Variants in JAK1 observed in about 807,000 individuals in gnomAD.
The protein encoded by JAK1 is tyrosine-protein kinase JAK1.
A neutral mutation model predicts 136.6 loss-of-function variants in JAK1; 16 were observed. The ratio of observed to expected loss-of-function variants is 0.12; its 90% CI spans 0.08 to 0.18. The LOEUF is 0.18. Among genes scored for constraint, JAK1 ranks in the 10% least tolerant of loss-of-function variants. The pLI is 1.00. For missense variants in JAK1, 859 were observed against 1,450.1 expected (o/e 0.59, Z 6.62); for synonymous variants, 492 against 519.5 (o/e 0.95, Z 0.72).
chr1:65,045,881 A>G (rs1557772656), intron 1 of JAK1, among the ~76,000 whole-genome samples: 1 of 152,222 alleles, frequency 6.6e-6, no homozygotes, highest in Non-Finnish European at 1.5e-5. Flanking sequence ...AGTCAGACAA[A>G]CATAGCTTCA....
chr1:64,988,209 G>A (rs1043019678), intron 2 of JAK1, among the ~76,000 whole-genome samples: 3 of 152,152 alleles, frequency 2.0e-5, no homozygotes, highest in Non-Finnish European at 4.4e-5. Flanking sequence ...TCCCTTCTGA[G>A]AGCTGCTTGT....
intron 2 of JAK1, among the ~76,000 whole-genome samples, chr1:64,885,614 G>A (rs189858337): frequency 3.3e-5 from 5 of 152,156 alleles, no homozygotes; most frequent in Admixed American, 1.3e-4. Flanking sequence ...TTAGCTGGGC[G>A]TGGTGGCATG....
Position 64,834,661 on chromosome 1 carries a change from T to G in JAK1, c.3370-4A>C, listed in dbSNP as rs758063658. The G allele has an allele frequency of 1.3e-6, 2 of 1,586,950 alleles. No individual in the cohort carries two copies. Among genetic ancestry groups the G allele is most frequent in the South Asian group, 2.2e-5 (2 of 89,766 alleles). On this transcript the variant is annotated splice_polypyrimidine_tract_variant and splice_region_variant and intron_variant, in intron 24 of 24. Transcript: ENST00000342505. ...ATTTCCTCATAAGTTGATAAACCTG[T>G]AAAAAGAAAGAAGTAACAACAGTAA...
chr1:64,918,946 G>A (rs1001246012), intron 1 of JAK1, among the ~76,000 whole-genome samples: 3 of 151,996 alleles, frequency 2.0e-5, no homozygotes, highest in African/African-American at 7.3e-5. Context: ...AAATTTATAA[G>A]TATCTCATAA....
rs774118701 is a variant in JAK1, at chr1:64,844,225, A to C, written c.2252-10T>G. Reference sequence around the variant, plus strand: ...ATTCGTTCAATGCATTCTGGAAGACAACAGACACACTGATGGAGCAGTTTC... The same window carrying C: ...ATTCGTTCAATGCATTCTGGAAGACCACAGACACACTGATGGAGCAGTTTC... On this transcript the variant is annotated splice_polypyrimidine_tract_variant and intron_variant, in intron 16 of 24. Coordinates refer to ENST00000342505, the MANE Select transcript of JAK1 (RefSeq NM_002227.4). The surrounding 1 kb of genome is among the most constrained non-coding windows in gnomAD (Gnocchi z 5.7). The C allele has an allele frequency of 6.2e-7, 1 of 1,614,238 alleles. No homozygotes were observed.
At chr1:64,913,105 G>A (rs1055921384) in intron 1 of JAK1, among the ~76,000 whole-genome samples, 1 of 152,042 alleles carries the variant, frequency 6.6e-6, no homozygotes, top group African/African-American at 2.4e-5. Context: ...TGCAATCTTG[G>A]CCTCCCAGGC....
At chr1:64,945,272 G>A (rs1645963838) in intron 1 of JAK1, among the ~76,000 whole-genome samples, 2 of 152,064 alleles carry the variant, frequency 1.3e-5, no homozygotes, top group Non-Finnish European at 2.9e-5. Flanking sequence ...ATGGAAAAAG[G>A]TACTAACCCC....
intron 1 of JAK1, among the ~76,000 whole-genome samples, chr1:64,901,821 AACC>A (rs1199102862): frequency 6.6e-6 from 1 of 152,172 alleles, no homozygotes; most frequent in African/African-American, 2.4e-5. Context: ...ATCCCCTAGC[AACC>A]ACTGGTCTAT....
chr1:64,928,773 C>T (rs568509611), intron 1 of JAK1, among the ~76,000 whole-genome samples: 4 of 1,294 alleles, frequency 3.1e-3, no homozygotes, highest in Non-Finnish European at 0.031. Flanking sequence ...TGCTATAAAA[C>T]TCTGCAAAAA....
At chr1:64,885,729 G>C (rs1473106096) in intron 2 of JAK1, among the ~76,000 whole-genome samples, 2 of 151,844 alleles carry the variant, frequency 1.3e-5, no homozygotes, top group African/African-American at 4.8e-5. Context: ...ACTCCAGCCT[G>C]GTGACAGAGC....
chr1:64,999,991 A>G (rs984719958), intron 2 of JAK1, among the ~76,000 whole-genome samples: 1 of 142,170 alleles, frequency 7.0e-6, no homozygotes, highest in Non-Finnish European at 1.5e-5. Context: ...AGAGAATCAT[A>G]AGTTTTTTTT....
intron 1 of JAK1, among the ~76,000 whole-genome samples, chr1:64,965,743 G>A (rs1017027818): frequency 6.6e-5 from 10 of 152,084 alleles, no homozygotes; most frequent in East Asian, 1.9e-4. Context: ...CTGAGGCCTG[G>A]TTCCTAACAG....
chr1:65,006,588 C>G (rs950581883), intron 2 of JAK1, among the ~76,000 whole-genome samples: 1 of 152,152 alleles, frequency 6.6e-6, no homozygotes, highest in East Asian at 1.9e-4. Context: ...AATAATCCTC[C>G]TGTCTTGGCC....
intron 2 of JAK1, among the ~76,000 whole-genome samples, chr1:65,032,937 G>A (rs541851883): frequency 6.6e-6 from 1 of 152,292 alleles, no homozygotes; most frequent in South Asian, 2.1e-4. Flanking sequence ...CAGTGTACCT[G>A]GCTATAAAAT....
intron 1 of JAK1, among the ~76,000 whole-genome samples, chr1:64,915,645 C>A (rs1645382487): frequency 6.6e-6 from 1 of 152,172 alleles, no homozygotes; most frequent in South Asian, 2.1e-4. Flanking sequence ...GGCTACCAGG[C>A]ATTTAAAAGA....
chr1:64,952,471 T>A (rs1646109181), intron 1 of JAK1, among the ~76,000 whole-genome samples: 1 of 152,234 alleles, frequency 6.6e-6, no homozygotes, highest in East Asian at 1.9e-4. Flanking sequence ...TAGCTTTCAT[T>A]TTCCTTGATA....
At position 65,027,670 on chromosome 1, in the gene JAK1, G is replaced by A. The variant is rs558061306; in HGVS notation, c.-78+16810C>T. On this transcript the variant is annotated intron_variant, in intron 2 of 25. Coordinates refer to the JAK1 transcript ENST00000671954. Reference sequence around the variant, plus strand: ...GAAGGGTAAGGAAGGATGATTGTGTGGGTGAATAGAGTCTCAGACTGTGGT... The same window carrying A: ...GAAGGGTAAGGAAGGATGATTGTGTAGGTGAATAGAGTCTCAGACTGTGGT... Among the ~76,000 whole-genome samples, 7 of 152,258 alleles carry A rather than the reference G, an allele frequency of 4.6e-5. No individual in the cohort carries two copies. The East Asian group carries it at 1.4e-3, about 29-fold the overall frequency.
chr1:64,869,501 G>A, intron 5 of JAK1, 27 bp from the exon 6 acceptor site: 1 of 1,603,598 alleles, frequency 6.2e-7, no homozygotes, highest in Non-Finnish European at 8.5e-7. Context: ...GAAACCATGA[G>A]AGCCCACCCG....
intron 11 of JAK1, among the ~76,000 whole-genome samples, chr1:64,852,840 G>A (rs1365469512): frequency 1.3e-5 from 2 of 152,118 alleles, no homozygotes; most frequent in Admixed American, 6.5e-5. Context: ...GGAGTAAAAC[G>A]CTCCCTGACT....
Sources: gnomAD v4.1 joint callset for allele counts (sites outside exome capture counted in the v4.1 genomes callset) on GRCh38, gnomAD v4.1.1 for gene constraint, Gnocchi (gnomAD v3.1) non-coding constraint, MANE v1.5 for transcripts, NCBI Gene and HGNC (gene_info 2026-07-23, HGNC 2026-07-21) for gene names.